The following ZNF92 variants were observed in gnomAD, a reference collection of about 807,000 sequenced individuals.
The protein encoded by ZNF92 is zinc finger protein 92.
Under a neutral mutation model 12.4 loss-of-function variants are expected in ZNF92, and 11 were observed. The ratio of observed to expected loss-of-function variants is 0.89; its 90% confidence interval spans 0.56 to 1.47. The LOEUF is 1.47. Ranked by LOEUF, ZNF92 falls within the 40% of genes most tolerant of loss-of-function variation. The pLI, the probability that ZNF92 is intolerant of heterozygous loss-of-function variation, is 0.00. For missense variants in ZNF92, 622 were observed against 681.0 expected (o/e 0.91, Z 0.96); for synonymous variants, 206 against 228.6 (o/e 0.90, Z 0.89).
At chr7:65,379,855 C>T (rs1406087724) in intron 1 of ZNF92, among the ~76,000 whole-genome samples, 1 of 152,134 alleles carries the variant, frequency 6.6e-6, no homozygotes, top group Non-Finnish European at 1.5e-5. Context: ...GCACTCTCCC[C>T]CACCCATGGA....
intron 1 of ZNF92, 57 bp downstream of exon 1, chr7:65,374,057 T>C: frequency 6.2e-7 from 1 of 1,612,120 alleles, no homozygotes; most frequent in East Asian, 2.2e-5. Flanking sequence ...TGGAACCGAT[T>C]GGAAGTGGCT....
chr7:65,390,884 C>T (rs1793692948), intron 3 of ZNF92, among the ~76,000 whole-genome samples: 2 of 152,134 alleles, frequency 1.3e-5, no homozygotes, highest in South Asian at 4.1e-4. Flanking sequence ...TCCTCCAGGC[C>T]GCTGGAAGGG....
intron 1 of ZNF92, among the ~76,000 whole-genome samples, chr7:65,381,796 C>T (rs182193905): frequency 5.3e-4 from 81 of 152,216 alleles, no homozygotes; most frequent in African/African-American, 1.9e-3. Flanking sequence ...CAGGGAATCT[C>T]TCCTACATTT....
rs1491114837 is a variant in ZNF92, at chr7:65,400,410, A to AT, written c.*541dup. The AT allele has an allele frequency of 1.3e-5, 2 of 152,024 alleles. No individual in the cohort carries two copies. Among genetic ancestry groups the AT allele is most frequent in the Non-Finnish European group, 1.5e-5 (1 of 67,946 alleles). 9.4% of individuals were successfully genotyped at this position (152,024 alleles called of 1,614,324 possible). ...GCAAATGTAATAAATATGGAAAAAC[A>AT]TTTTTTCAAAAACTACAGCTTGGAA... On this transcript the variant is annotated 3_prime_UTR_variant, in exon 4 of 4. Coordinates refer to ENST00000328747, the MANE Select transcript of ZNF92 (RefSeq NM_152626.4).
Position 65,398,953 on chromosome 7 carries a change from C to T in ZNF92, c.839C>T (p.Thr280Ile). ...STLTKHKRIHTEEKPYKCEEC... is the reference protein window; with the variant it reads ...STLTKHKRIHIEEKPYKCEEC... Reference sequence around the variant, plus strand: ...CTTACTAAACATAAAAGAATTCATACAGAAGAGAAACCCTACAAATGTGAA... The same window carrying T: ...CTTACTAAACATAAAAGAATTCATATAGAAGAGAAACCCTACAAATGTGAA... Residue 280 changes from threonine (T) to isoleucine (I), a missense_variant, in exon 4 of 4, where the codon ACA becomes ATA. Thr to Ile is a moderately conservative substitution (Grantham distance 89). Coordinates refer to ENST00000328747, the MANE Select transcript of ZNF92 (RefSeq NM_152626.4). The T allele has an allele frequency of 6.2e-7, 1 of 1,613,068 alleles. No individual in the cohort carries two copies. Among genetic ancestry groups the T allele is most frequent in the Non-Finnish European group, 8.5e-7 (1 of 1,179,692 alleles).
intron 1 of ZNF92, among the ~76,000 whole-genome samples, chr7:65,381,563 T>C (rs1793421671): frequency 6.6e-6 from 1 of 152,116 alleles, no homozygotes; most frequent in African/African-American, 2.4e-5. Flanking sequence ...CGATTTTTGC[T>C]TTTGTGGCGA....
Position 65,399,293 on chromosome 7 carries a change from A to G in ZNF92, c.1179A>G (p.Gly393=), listed in dbSNP as rs777210825. Reference sequence around the variant, plus strand: ...CTAAACATAAAAGAATTCATACGGGAGAAAAACCCTACAAATGTGAAGAAT... The same window carrying G: ...CTAAACATAAAAGAATTCATACGGGGGAAAAACCCTACAAATGTGAAGAAT... ...TLTKHKRIHT[G]EKPYKCEECG... is the part of the protein sequence containing the mutation. Residue 393 remains glycine, a synonymous_variant, in exon 4 of 4, where the codon GGA becomes GGG. Coordinates refer to ENST00000328747, the MANE Select transcript of ZNF92 (RefSeq NM_152626.4). 1 of 1,612,652 alleles carries G rather than the reference A, an allele frequency of 6.2e-7. No homozygotes were observed. Among genetic ancestry groups the G allele is most frequent in the South Asian group, 1.1e-5 (1 of 90,962 alleles).
rs946623619 is a variant in ZNF92 at position 65,398,698 on chromosome 7, A to C, written c.584A>C (p.His195Pro). The part of the protein sequence containing the change: ...LSQLTQHKKI[H>P]TREYSYKCEE... Reference sequence around the variant, plus strand: ...CAATTAACTCAACATAAGAAAATTCATACTAGAGAGTATTCTTACAAATGT... The same window carrying C: ...CAATTAACTCAACATAAGAAAATTCCTACTAGAGAGTATTCTTACAAATGT... The change falls in exon 4 of 4, where the codon CAT becomes CCT. Residue 195 changes from histidine to proline, a missense_variant. By Grantham distance (77) the His-to-Pro change is moderately conservative. Coordinates refer to ENST00000328747, the MANE Select transcript of ZNF92 (RefSeq NM_152626.4). 1.9e-6 allele frequency: 3 copies of C among 1,611,530 alleles called. No individual in the cohort carries two copies. The highest frequency in any genetic ancestry group is 2.5e-6 in the Non-Finnish European group (3 of 1,179,192).
chr7:65,398,879 A>C lies in ZNF92; in HGVS notation c.765A>C (p.Lys255Asn), dbSNP rs1292090374. ...ATAAAATAATTCATACTGGAGAGAA[A>C]CCCTACAAATGTGAAGAATGTGGCA... ...TKHKIIHTGE[K>N]PYKCEECGKA... is the part of the protein sequence containing the mutation. The change falls in exon 4 of 4, where the codon AAA becomes AAC. Residue 255 changes from lysine to asparagine, a missense_variant. Lys to Asn is a moderately conservative substitution (Grantham distance 94). Coordinates refer to ENST00000328747, the MANE Select transcript of ZNF92 (RefSeq NM_152626.4). 1 of 1,612,954 alleles carries C rather than the reference A, an allele frequency of 6.2e-7. No homozygotes were observed. Among genetic ancestry groups the C allele is most frequent in the Non-Finnish European group, 8.5e-7 (1 of 1,179,748 alleles).
At chr7:65,392,933 G>T (rs943211613) in intron 3 of ZNF92, among the ~76,000 whole-genome samples, 1 of 151,962 alleles carries the variant, frequency 6.6e-6, no homozygotes, top group African/African-American at 2.4e-5. Flanking sequence ...TGTCACCTGT[G>T]GTCCCAGCTA....
chr7:65,387,433 T>A (rs555694268), intron 1 of ZNF92, among the ~76,000 whole-genome samples: 32 of 152,230 alleles, frequency 2.1e-4, no homozygotes, highest in Non-Finnish European at 4.3e-4. Context: ...CAAAATAATC[T>A]TCTTGGGCAA....
rs1037551884 is a variant in ZNF92, at chr7:65,401,043, A to G, written c.*1168A>G. ...TTTAAAATTAATTATCATTTTGTTGATTGTGCTTTTATGTAATAAAATGCA... is the reference window on the plus strand; with the variant it reads ...TTTAAAATTAATTATCATTTTGTTGGTTGTGCTTTTATGTAATAAAATGCA... On this transcript the variant is annotated 3_prime_UTR_variant, in exon 4 of 4. Coordinates refer to ENST00000328747, the MANE Select transcript of ZNF92 (RefSeq NM_152626.4). 2.6e-5 allele frequency: 4 copies of G among 152,036 alleles called. No individual in the cohort carries two copies. Among genetic ancestry groups the G allele is most frequent in the African/African-American group, 7.2e-5 (3 of 41,416 alleles). The allele number at this position is 152,036 out of a possible 1,614,324, so 9.4% of individuals were successfully genotyped here.
At chr7:65,398,252 T>A in intron 3 of ZNF92, 89 bp from the exon 4 acceptor site, 1 of 1,111,640 alleles carries the variant, frequency 9.0e-7, no homozygotes, top group South Asian at 2.0e-5. Context: ...GCTTATGTTG[T>A]AGTTTGTACA....
chr7:65,382,316 C>T (rs1793443059), intron 1 of ZNF92, among the ~76,000 whole-genome samples: 1 of 151,940 alleles, frequency 6.6e-6, no homozygotes, highest in Non-Finnish European at 1.5e-5. Context: ...TGGAGTTACT[C>T]TGGGGCTGGA....
At chr7:65,389,017 G>C (rs887628197) in intron 3 of ZNF92, 116 bp downstream of exon 3, 9 of 858,510 alleles carry the variant, frequency 1.0e-5, no homozygotes, top group Non-Finnish European at 1.5e-5. Context: ...TGGAGTGCAA[G>C]GGTGTGATCT....
chr7:65,399,775 C>G lies in ZNF92; in HGVS notation c.1661C>G (p.Thr554Arg). ...TTTAACAAGTTCTCAACCCTTATTA[C>G]ACATCAGATAATTTATACTGGAGAG... The part of the protein sequence containing the change: ...KAFNKFSTLI[T>R]HQIIYTGEKP... Residue 554 changes from threonine to arginine, a missense_variant, in exon 4 of 4, where the codon ACA (threonine) becomes AGA (arginine). Physicochemically the swap from Thr to Arg is moderately conservative, Grantham distance 71. Coordinates refer to ENST00000328747, the MANE Select transcript of ZNF92 (RefSeq NM_152626.4). 1 of 1,613,338 alleles carries G rather than the reference C, an allele frequency of 6.2e-7. No homozygotes were observed.
chr7:65,374,083 C>T, intron 1 of ZNF92, 83 bp downstream of exon 1: 1 of 1,586,492 alleles, frequency 6.3e-7, no homozygotes, highest in Non-Finnish European at 8.6e-7. Flanking sequence ...GGGCCTCGGG[C>T]CTTCCCGCAG....
chr7:65,387,601 CAT>C (rs1584282219), intron 1 of ZNF92, among the ~76,000 whole-genome samples: 1 of 150,256 alleles, frequency 6.7e-6, no homozygotes. Context: ...CCATCTGAAA[CAT>C]ATACACTCAG....
At chr7:65,384,734 A>G (rs372770785) in intron 1 of ZNF92, among the ~76,000 whole-genome samples, 1 of 151,738 alleles carries the variant, frequency 6.6e-6, no homozygotes, top group East Asian at 1.9e-4. Context: ...TATTCTGTAC[A>G]TTTTTCACAA....
Sources: allele counts gnomAD v4.1 joint callset (sites outside exome capture counted in the v4.1 genomes callset), GRCh38; gene constraint gnomAD v4.1.1; transcripts MANE v1.5; gene names NCBI Gene and HGNC (gene_info 2026-07-23, HGNC 2026-07-21).